The following FBXO15 variants were observed in gnomAD, a reference collection of about 807,000 sequenced individuals.
The protein encoded by FBXO15 is F-box protein 15.
FBXO15 carries 30 observed loss-of-function variants against 49.5 expected under a neutral mutation model. The observed-to-expected ratio is 0.61, with a 90% confidence interval of 0.45 to 0.82. The LOEUF (loss-of-function observed/expected upper bound fraction) is 0.82, where lower values mean the gene tolerates loss of function less well. Ranked by LOEUF, FBXO15 falls within the 40% of genes least tolerant of loss-of-function variation. The pLI, the probability that FBXO15 is intolerant of heterozygous loss-of-function variation, is 0.00. For synonymous variants in FBXO15, 250 were observed against 232.7 expected (o/e 1.07, Z -0.68); for missense variants, 591 against 631.5 (o/e 0.94, Z 0.69).
rs1912219738 is a variant in FBXO15 at position 74,075,437 on chromosome 18, G to A, written c.1264-1707C>T. Among the ~76,000 whole-genome samples, 1 of 152,172 alleles carries A rather than the reference G, an allele frequency of 6.6e-6. No individual in the cohort carries two copies. Among genetic ancestry groups the A allele is most frequent in the Admixed American group, 6.5e-5 (1 of 15,280 alleles). ...AGTGACTACTTCTGTCCTCCCATCA[G>A]CTTTTAGTCTTTAACACATTCAAGT... On this transcript the variant is annotated intron_variant, in intron 9 of 9. Transcript: ENST00000419743. The surrounding 1 kb of genome is among the most constrained non-coding windows in gnomAD (Gnocchi z 4.1).
chr18:74,147,178 C>G (rs1979480704), intron 1 of FBXO15: 1 of 152,506 alleles, frequency 6.6e-6, no homozygotes. Context: ...TGCTGCCCCC[C>G]ACCCGCCAGA....
chr18:74,116,342 C>T (rs909538478), intron 8 of FBXO15, among the ~76,000 whole-genome samples: 2 of 152,204 alleles, frequency 1.3e-5, no homozygotes, highest in African/African-American at 2.4e-5. Context: ...ATTTCATATG[C>T]ATATGTGCAT....
chr18:74,097,729 C>A (rs1255359025), intron 8 of FBXO15: 1 of 152,248 alleles, frequency 6.6e-6, no homozygotes, highest in Admixed American at 6.5e-5. Flanking sequence ...AGGGCCCCAC[C>A]TACCACCTGA....
At chr18:74,119,356 T>C (rs1465102617) in intron 8 of FBXO15, among the ~76,000 whole-genome samples, 1 of 152,220 alleles carries the variant, frequency 6.6e-6, no homozygotes, top group Non-Finnish European at 1.5e-5. Context: ...ATTCTCTTTG[T>C]GATATTTATG....
At chr18:74,109,113 T>C (rs1241241466) in intron 8 of FBXO15, among the ~76,000 whole-genome samples, 1 of 152,066 alleles carries the variant, frequency 6.6e-6, no homozygotes, top group African/African-American at 2.4e-5. Context: ...ATCCAGAATC[T>C]ACAAAGAACT....
At chr18:74,134,659 C>T (rs984843515) in intron 3 of FBXO15, among the ~76,000 whole-genome samples, 2 of 152,076 alleles carry the variant, frequency 1.3e-5, no homozygotes, top group African/African-American at 4.8e-5. Context: ...TGAGCCACTG[C>T]GCCTGGCTGG....
At chr18:74,132,702 G>A (rs1056464964) in intron 3 of FBXO15, among the ~76,000 whole-genome samples, 5 of 152,160 alleles carry the variant, frequency 3.3e-5, no homozygotes, top group Non-Finnish European at 7.3e-5. Context: ...AGTCAGATTC[G>A]AGGACGAGGG....
intron 1 of FBXO15, 97 bp downstream of exon 1, chr18:74,147,573 C>A (rs1378689983): frequency 7.6e-7 from 1 of 1,309,360 alleles, no homozygotes; most frequent in East Asian, 3.1e-5. Flanking sequence ...ACGGGCCTTG[C>A]GCCAAGCTGG....
chr18:74,110,529 T>A, intron 8 of FBXO15, among the ~76,000 whole-genome samples: 1 of 150,490 alleles, frequency 6.6e-6, no homozygotes, highest in African/African-American at 2.4e-5. Context: ...TAGAAAACAA[T>A]AAAAAATATG....
At chr18:74,080,737 A>G (rs1912458308) in intron 9 of FBXO15, among the ~76,000 whole-genome samples, 1 of 152,230 alleles carries the variant, frequency 6.6e-6, no homozygotes, top group Non-Finnish European at 1.5e-5. Context: ...TTTGTTTTTA[A>G]TGATCAGAAC....
chr18:74,138,296 A>AGT lies in FBXO15; in HGVS notation c.227+1904_227+1905dup, dbSNP rs1978846621. On this transcript the variant is annotated intron_variant, in intron 2 of 9. Coordinates refer to ENST00000419743, the MANE Select transcript of FBXO15 (RefSeq NM_001142958.2). Reference sequence around the variant, plus strand: ...TCCAGTGTGGAATAGAACACACGCAAGTAGGAAAATGAGCGGCCAGCCCCT... The same window carrying AGT: ...TCCAGTGTGGAATAGAACACACGCAAGTGTAGGAAAATGAGCGGCCAGCCCCT... 2.0e-5 allele frequency among the ~76,000 whole-genome samples: 3 copies of AGT among 152,170 alleles called. No homozygotes were observed. In the South Asian group the frequency reaches 6.2e-4, roughly 32 times the overall value.
intron 8 of FBXO15, among the ~76,000 whole-genome samples, chr18:74,112,212 C>T (rs891650372): frequency 2.6e-5 from 4 of 152,094 alleles, no homozygotes; most frequent in African/African-American, 9.6e-5. Context: ...GCTCTAATTT[C>T]GAAACCAAAA....
chr18:74,112,698 AT>A (rs1193755873), intron 8 of FBXO15, among the ~76,000 whole-genome samples: 1 of 152,230 alleles, frequency 6.6e-6, no homozygotes, highest in African/African-American at 2.4e-5. Flanking sequence ...AGGTATCCTG[AT>A]TGGGAAGGAA....
chr18:74,129,651 ATTG>A, intron 4 of FBXO15, 37 bp from the exon 5 acceptor site: 1 of 1,529,778 alleles, frequency 6.5e-7, no homozygotes, highest in Admixed American at 1.9e-5. Context: ...TGTTTGCCTC[ATTG>A]AAAAAAAAAA....
chr18:74,111,024 A>C (rs554132040), intron 8 of FBXO15, among the ~76,000 whole-genome samples: 5 of 152,332 alleles, frequency 3.3e-5, no homozygotes, highest in African/African-American at 1.2e-4. Flanking sequence ...ATCAGTAAGG[A>C]CATAAGTGAA....
chr18:74,073,639 G>A lies in FBXO15; in HGVS notation c.1355C>T (p.Thr452Ile), dbSNP rs1912129972. 4 of 1,614,218 alleles carry A rather than the reference G, an allele frequency of 2.5e-6. No homozygotes were observed. The highest frequency in any genetic ancestry group is 2.5e-6 in the Non-Finnish European group (3 of 1,180,028). ...SSPVCLRSPA[T>I]PSDSSSFLGQ... ...CAAGAAGCTAGAGCTGTCAGAGGGT[G>A]TGGCAGGCGATCTCAGGCACACCGG... Residue 452 changes from threonine (T) to isoleucine (I), a missense_variant, in exon 10 of 10, where the codon ACA becomes ATA. Thr to Ile is a moderately conservative substitution (Grantham distance 89). Transcript: ENST00000419743.
At chr18:74,129,320 C>T in intron 5 of FBXO15, 85 bp downstream of exon 5, 1 of 1,216,332 alleles carries the variant, frequency 8.2e-7, no homozygotes, top group South Asian at 1.4e-5. Flanking sequence ...AAACGCTGCT[C>T]TTATTTTTTA....
chr18:74,082,135 G>T (rs1361349903), intron 8 of FBXO15, 84 bp from the exon 9 acceptor site: 13 of 1,445,254 alleles, frequency 9.0e-6, no homozygotes, highest in Non-Finnish European at 1.2e-5. Context: ...ACTTTATAAG[G>T]ATACCTCACC....
intron 8 of FBXO15, among the ~76,000 whole-genome samples, chr18:74,089,002 A>G (rs1912885379): frequency 6.6e-6 from 1 of 152,108 alleles, no homozygotes; most frequent in Non-Finnish European, 1.5e-5. Flanking sequence ...GTTCTGGGAT[A>G]CATGTACATG....
Sources: gnomAD v4.1 joint callset for allele counts (sites outside exome capture counted in the v4.1 genomes callset) on GRCh38, gnomAD v4.1.1 for gene constraint, Gnocchi (gnomAD v3.1) non-coding constraint, MANE v1.5 for transcripts, NCBI Gene and HGNC (gene_info 2026-07-23, HGNC 2026-07-21) for gene names.